The following DCHS2 variants were observed in gnomAD, a reference collection of about 807,000 sequenced individuals.
DCHS2 encodes protocadherin-23.
In DCHS2, 142 loss-of-function variants were observed where a neutral mutation model predicts 182.4. That is an observed-to-expected ratio of 0.78 (90% CI 0.68 to 0.89). The LOEUF (loss-of-function observed/expected upper bound fraction) is 0.89. DCHS2 is among the 40% of genes least tolerant of loss of function. The pLI is 0.00. For missense variants in DCHS2, 4,319 were observed against 4,198.6 expected, an observed-to-expected ratio of 1.03 and a Z score of -0.79; for synonymous variants, 1,740 against 1,663.3, an observed-to-expected ratio of 1.05 and a Z score of -1.12.
chr4:154,454,846 AC>A (rs1292489737), intron 1 of DCHS2, among the ~76,000 whole-genome samples: 1 of 152,192 alleles, frequency 6.6e-6, no homozygotes, highest in Non-Finnish European at 1.5e-5. Context: ...CACAGAGCTA[AC>A]CCTGTGACCT....
chr4:154,455,694 C>A (rs940514848), intron 1 of DCHS2, among the ~76,000 whole-genome samples: 1 of 152,204 alleles, frequency 6.6e-6, no homozygotes, highest in African/African-American at 2.4e-5. Context: ...CAGCAATTTT[C>A]TTTCGCTCAA....
chr4:154,378,194 T>C (rs6811038), intron 1 of DCHS2, among the ~76,000 whole-genome samples: 62,726 of 151,932 alleles, frequency 0.41, 13,524 homozygotes, highest in East Asian at 0.7. Flanking sequence ...CCAGCAATCC[T>C]GTGCCTGATA....
intron 1 of DCHS2, among the ~76,000 whole-genome samples, chr4:154,399,513 T>C (rs1018518951): frequency 1.3e-5 from 2 of 152,096 alleles, no homozygotes; most frequent in African/African-American, 2.4e-5. Context: ...AGTATGACCA[T>C]AGAGGGCTGG....
intron 1 of DCHS2, among the ~76,000 whole-genome samples, chr4:154,458,766 G>A (rs1315112555): frequency 1.3e-5 from 2 of 152,146 alleles, no homozygotes; most frequent in African/African-American, 2.4e-5. Context: ...TTCAAGTGTT[G>A]ATAATTAGAA....
chr4:154,315,725 C>T, intron 10 of DCHS2, 23 bp downstream of exon 10: 2 of 1,605,176 alleles, frequency 1.2e-6, no homozygotes, highest in South Asian at 2.2e-5. Flanking sequence ...ATTAAATACC[C>T]AGTTTCTGTA....
At chr4:154,296,454 T>G (rs1734929304) in intron 13 of DCHS2, among the ~76,000 whole-genome samples, 1 of 152,192 alleles carries the variant, frequency 6.6e-6, no homozygotes, top group African/African-American at 2.4e-5. Context: ...TGCCTCTTCC[T>G]ACGATTAAGT....
chr4:154,263,395 T>C (rs1733078395), intron 14 of DCHS2, among the ~76,000 whole-genome samples: 1 of 151,904 alleles, frequency 6.6e-6, no homozygotes, highest in Admixed American at 6.6e-5. Flanking sequence ...TGCATAGACA[T>C]ATATGTGTAT....
Position 154,332,459 on chromosome 4 carries a change from G to A in DCHS2, c.3730+19C>T. 1 of 1,581,126 alleles carries A rather than the reference G, an allele frequency of 6.3e-7. No homozygotes were observed. The highest frequency in any genetic ancestry group is 1.2e-5 in the South Asian group (1 of 86,374). On this transcript the variant is annotated intron_variant, in intron 5 of 19. Transcript: ENST00000357232. ...GAACCCTCATTTTAAAGGAATAGGT[G>A]GAAACTATGAAGTGCTACCTGTATT...
intron 10 of DCHS2, among the ~76,000 whole-genome samples, chr4:154,309,698 G>A (rs1028406322): frequency 6.6e-6 from 1 of 152,128 alleles, no homozygotes; most frequent in African/African-American, 2.4e-5. Flanking sequence ...TATGTCTTAG[G>A]CTTTGAATGC....
intron 1 of DCHS2, among the ~76,000 whole-genome samples, chr4:154,473,688 A>G (rs955451621): frequency 6.6e-6 from 1 of 152,150 alleles, no homozygotes; most frequent in Admixed American, 6.5e-5. Context: ...GGGCAGGAGA[A>G]GCGGAAGATG....
intron 2 of DCHS2, among the ~76,000 whole-genome samples, chr4:154,376,797 A>T (rs1337478274): frequency 2.0e-5 from 3 of 152,214 alleles, no homozygotes; most frequent in African/African-American, 7.2e-5. Context: ...CACATTTAGC[A>T]TGTGGAAAAT....
intron 13 of DCHS2, among the ~76,000 whole-genome samples, chr4:154,272,743 G>C (rs1339579484): frequency 6.6e-6 from 1 of 152,140 alleles, no homozygotes. Flanking sequence ...ATAGCAGTGT[G>C]AGAACGGACT....
intron 1 of DCHS2, among the ~76,000 whole-genome samples, chr4:154,432,537 C>T (rs755779058): frequency 6.6e-6 from 1 of 151,830 alleles, no homozygotes; most frequent in African/African-American, 2.4e-5. Context: ...AGTAAAGGTC[C>T]TAATTTGTTT....
At chr4:154,237,652 C>T (rs993933749) in intron 19 of DCHS2, 3 of 152,398 alleles carry the variant, frequency 2.0e-5, no homozygotes, top group East Asian at 1.9e-4. Context: ...GGCTTTCCTA[C>T]AGATCATGCA....
intron 1 of DCHS2, among the ~76,000 whole-genome samples, chr4:154,468,311 T>A (rs966699174): frequency 9.9e-5 from 15 of 152,134 alleles, no homozygotes; most frequent in Admixed American, 2.6e-4. Flanking sequence ...CATGTTACAA[T>A]CATATATGAT....
intron 9 of DCHS2, among the ~76,000 whole-genome samples, chr4:154,316,229 T>C (rs1336844541): frequency 2.0e-5 from 3 of 152,170 alleles, no homozygotes; most frequent in Non-Finnish European, 1.5e-5. Flanking sequence ...GAATAATCAA[T>C]GTTATGCAAT....
intron 1 of DCHS2, among the ~76,000 whole-genome samples, chr4:154,483,984 A>G (rs1728482991): frequency 1.3e-5 from 2 of 152,148 alleles, no homozygotes; most frequent in South Asian, 4.1e-4. Flanking sequence ...AGCCTTCAAG[A>G]TGTATTTTCC....
Position 154,306,571 on chromosome 4 carries a change from C to G in DCHS2, c.5261-1340G>C, listed in dbSNP as rs546033394. 5.9e-5 allele frequency among the ~76,000 whole-genome samples: 9 copies of G among 152,056 alleles called. No homozygotes were observed. The East Asian group carries it at 1.5e-3, about 26-fold the overall frequency. ...AAAAAAAAGAGAGAAATATCAGGTG[C>G]CAAGCATAGTACTATGTGCCAAAGA... On this transcript the variant is annotated intron_variant, in intron 10 of 19. Coordinates refer to ENST00000357232, the MANE Select transcript of DCHS2 (RefSeq NM_001358235.2).
chr4:154,388,739 C>T (rs1731535135), intron 1 of DCHS2, among the ~76,000 whole-genome samples: 1 of 152,072 alleles, frequency 6.6e-6, no homozygotes, highest in East Asian at 1.9e-4. Context: ...CGTGATCCAC[C>T]CGCCTCGGCC....
Sources: allele counts gnomAD v4.1 joint callset (sites outside exome capture counted in the v4.1 genomes callset), GRCh38; gene constraint gnomAD v4.1.1; transcripts MANE v1.5; gene names NCBI Gene and HGNC (gene_info 2026-07-23, HGNC 2026-07-21).